Variants in STMN4 observed in about 807,000 individuals in gnomAD.
STMN4 encodes the protein stathmin 4.
Under a neutral mutation model 29.1 loss-of-function variants are expected in STMN4, and 12 were observed. That is an observed-to-expected ratio of 0.41 (90% CI 0.26 to 0.67). STMN4 has a LOEUF of 0.67. Ranked by LOEUF, STMN4 falls within the 30% of genes least tolerant of loss-of-function variation. STMN4 has a pLI of 0.30. For synonymous variants in STMN4, 114 were observed against 105.3 expected (o/e 1.08, Z -0.51); for missense variants, 181 against 262.8 (o/e 0.69, Z 2.15).
At chr8:27,242,597 C>A in intron 2 of STMN4, 105 bp from the exon 3 acceptor site, 2 of 1,112,000 alleles carry the variant, frequency 1.8e-6, no homozygotes, top group South Asian at 2.8e-5. Context: ...CATAAAGGCA[C>A]TCAAACCACG....
chr8:27,246,857 C>G lies in STMN4; in HGVS notation c.-78-3056G>C, dbSNP rs555324407. Among the ~76,000 whole-genome samples the G allele has an allele frequency of 4.6e-5, 7 of 152,230 alleles. No individual in the cohort carries two copies. The East Asian group carries it at 1.4e-3, about 29-fold the overall frequency. Reference sequence around the variant, plus strand: ...TAGTGGTAAAGTGATGCAGTAGCCCCGGGGAAACTAATGTCCTCAGGAAGT... The same window carrying G: ...TAGTGGTAAAGTGATGCAGTAGCCCGGGGGAAACTAATGTCCTCAGGAAGT... On this transcript the variant is annotated intron_variant, in intron 1 of 6. Transcript: ENST00000350889.
In STMN4 at chr8:27,235,534, T is replaced by C. The variant is rs1204981270; in HGVS notation, c.*1312A>G. 6.6e-6 allele frequency: 1 copy of C among 152,234 alleles called. No individual in the cohort carries two copies. The highest frequency in any genetic ancestry group is 1.9e-4 in the East Asian group (1 of 5,196). The allele number at this position is 152,234 out of a possible 1,614,324, so 9.4% of individuals were successfully genotyped here. A position where few individuals can be genotyped will look rare whatever the true frequency, so the allele number is the denominator to read the frequency against. ...TCTGGATGCCTCCTTTGCCTTCTAC[T>C]AGCAAACACTTTATTTCCTTGCTCG... On this transcript the variant is annotated 3_prime_UTR_variant, in exon 7 of 7. Coordinates refer to ENST00000350889, the MANE Select transcript of STMN4 (RefSeq NM_030795.4).
chr8:27,240,588 G>A (rs2130061751), intron 5 of STMN4, among the ~76,000 whole-genome samples: 1 of 152,246 alleles, frequency 6.6e-6, no homozygotes, highest in Middle Eastern at 3.4e-3. Context: ...ATTCATGATA[G>A]GGGATTATTT....
At chr8:27,239,556 C>T (rs1472294648) in intron 6 of STMN4, 2 of 788,558 alleles carry the variant, frequency 2.5e-6, no homozygotes, top group Non-Finnish European at 3.9e-6. Flanking sequence ...AATCTCAGCT[C>T]ATCATACCCG....
chr8:27,236,761 A>G lies in STMN4; in HGVS notation c.*85T>C. On this transcript the variant is annotated 3_prime_UTR_variant, in exon 7 of 7. Coordinates refer to ENST00000350889, the MANE Select transcript of STMN4 (RefSeq NM_030795.4). ...CCTCCCCCCAAACCCCAGTGCTGGG[A>G]GCGCAGCCGGCGGGCGAGGCTGCCT... 9.2e-7 allele frequency: 1 copy of G among 1,089,538 alleles called. No homozygotes were observed. The highest frequency in any genetic ancestry group is 3.0e-5 in the East Asian group (1 of 33,398). 67.5% of individuals were successfully genotyped at this position (1,089,538 alleles called of 1,614,324 possible).
chr8:27,238,493 C>A (rs187972128), intron 6 of STMN4, among the ~76,000 whole-genome samples: 1 of 152,336 alleles, frequency 6.6e-6, no homozygotes, highest in East Asian at 1.9e-4. Context: ...ATGGACCTTT[C>A]CAGTCTCTCT....
intron 6 of STMN4, chr8:27,239,568 G>A (rs1287892299): frequency 1.2e-6 from 1 of 860,734 alleles, no homozygotes; most frequent in African/African-American, 1.7e-5. Flanking sequence ...TCATACCCGT[G>A]ACTTAGAGCC....
chr8:27,242,207 T>A (rs893626444), intron 3 of STMN4, 190 bp downstream of exon 3: 26 of 614,346 alleles, frequency 4.2e-5, no homozygotes, highest in Admixed American at 5.8e-5. Flanking sequence ...CTTCATGGCC[T>A]CCCCCTAGTG....
At position 27,236,757 on chromosome 8, in the gene STMN4, T is replaced by C; in HGVS notation, c.*89A>G. Reference sequence around the variant, plus strand: ...CCCCCCTCCCCCCAAACCCCAGTGCTGGGAGCGCAGCCGGCGGGCGAGGCT... The same window carrying C: ...CCCCCCTCCCCCCAAACCCCAGTGCCGGGAGCGCAGCCGGCGGGCGAGGCT... On this transcript the variant is annotated 3_prime_UTR_variant, in exon 7 of 7. Transcript: ENST00000350889. The C allele has an allele frequency of 1.8e-6, 2 of 1,122,562 alleles. No individual in the cohort carries two copies. The highest frequency in any genetic ancestry group is 2.5e-6 in the Non-Finnish European group (2 of 814,928). The allele number at this position is 1,122,562 out of a possible 1,614,324, so 69.5% of individuals were successfully genotyped here.
rs752863275 is a variant in STMN4 at position 27,241,102 on chromosome 8, G to A, written c.351C>T (p.Ser117=). Residue 117 remains serine (S), a synonymous_variant, in exon 5 of 7, where the codon TCC becomes TCT. Transcript: ENST00000350889. ...NASLPRRRDP[S]LEEIQKKLEA... is the part of the protein sequence containing the mutation. Reference sequence around the variant, plus strand: ...CTAGTTTCTTCTGGATCTCTTCCAGGGATGGGTCTCGCCGCCTTGGCAGGG... The same window carrying A: ...CTAGTTTCTTCTGGATCTCTTCCAGAGATGGGTCTCGCCGCCTTGGCAGGG... 1.2e-6 allele frequency: 2 copies of A among 1,614,056 alleles called. No homozygotes were observed. The highest frequency in any genetic ancestry group is 1.3e-5 in the African/African-American group (1 of 74,918).
chr8:27,253,934 C>T (rs1801865158), intron 1 of STMN4, among the ~76,000 whole-genome samples: 1 of 152,108 alleles, frequency 6.6e-6, no homozygotes, highest in South Asian at 2.1e-4. Flanking sequence ...ATGCGTGCAC[C>T]ACCATGCCCA....
chr8:27,252,152 A>G (rs1442365191), intron 1 of STMN4, among the ~76,000 whole-genome samples: 1 of 150,924 alleles, frequency 6.6e-6, no homozygotes, highest in Non-Finnish European at 1.5e-5. Context: ...ATCATTTTTT[A>G]TGGCTGCATA....
intron 5 of STMN4, among the ~76,000 whole-genome samples, chr8:27,240,794 C>T (rs1302650580): frequency 1.3e-5 from 2 of 152,178 alleles, no homozygotes; most frequent in Non-Finnish European, 2.9e-5. Context: ...ATTTTTGCCA[C>T]CATGCATATA....
At chr8:27,244,707 C>G (rs1170450761) in intron 1 of STMN4, among the ~76,000 whole-genome samples, 1 of 151,762 alleles carries the variant, frequency 6.6e-6, no homozygotes, top group Non-Finnish European at 1.5e-5. Context: ...TCCGTGGGAT[C>G]AGGTCAAGCT....
intron 1 of STMN4, among the ~76,000 whole-genome samples, chr8:27,250,522 TCTTCCGCGATAATGTGGA>T (rs1472803885): frequency 6.6e-6 from 1 of 152,124 alleles, no homozygotes; most frequent in East Asian, 1.9e-4. Context: ...CTCAGCATGG[TCTTCCGCGATAATGTGGA>T]CCATGCCATA....
chr8:27,253,579 A>G (rs1296211855), intron 1 of STMN4, among the ~76,000 whole-genome samples: 2 of 152,212 alleles, frequency 1.3e-5, no homozygotes, highest in East Asian at 1.9e-4. Flanking sequence ...TGATCTTACA[A>G]ACACATCCCC....
At chr8:27,243,307 C>A (rs1222133244) in intron 2 of STMN4, among the ~76,000 whole-genome samples, 4 of 152,186 alleles carry the variant, frequency 2.6e-5, no homozygotes, top group Non-Finnish European at 5.9e-5. Context: ...CTCCTGGGCT[C>A]AAGCGATCCT....
chr8:27,256,000 A>G (rs1801929674), intron 1 of STMN4, among the ~76,000 whole-genome samples: 1 of 152,210 alleles, frequency 6.6e-6, no homozygotes, highest in Non-Finnish European at 1.5e-5. Flanking sequence ...AAATATTTAG[A>G]TTTAATTACA....
intron 6 of STMN4, among the ~76,000 whole-genome samples, 177 bp from the exon 7 acceptor site, chr8:27,237,082 G>C (rs1801331548): frequency 6.6e-6 from 1 of 152,196 alleles, no homozygotes; most frequent in African/African-American, 2.4e-5. Context: ...GCAGGAGGCA[G>C]GGGGCAAGCC....
Sources: allele counts gnomAD v4.1 joint callset (sites outside exome capture counted in the v4.1 genomes callset), GRCh38; gene constraint gnomAD v4.1.1; transcripts MANE v1.5; gene names NCBI Gene and HGNC (gene_info 2026-07-23, HGNC 2026-07-21).